Variants in ZC3HC1 observed in about 807,000 individuals in gnomAD.
ZC3HC1 encodes zinc finger C3HC-type containing 1, also known as zinc finger C3HC-type protein 1.
Under a neutral mutation model 61.9 loss-of-function variants are expected in ZC3HC1, and 38 were observed. The ratio of observed to expected loss-of-function variants is 0.61; its 90% confidence interval spans 0.47 to 0.81. The LOEUF (loss-of-function observed/expected upper bound fraction) is 0.81. Ranked by LOEUF, ZC3HC1 falls within the 30% of genes least tolerant of loss-of-function variation. The pLI is 0.00. For missense variants in ZC3HC1, 554 were observed against 622.7 expected, an observed-to-expected ratio of 0.89 and a Z score of 1.17; for synonymous variants, 213 against 229.9, an observed-to-expected ratio of 0.93 and a Z score of 0.67.
rs1203170404 is a variant in ZC3HC1 at position 130,051,336 on chromosome 7, C to T, written c.31G>A (p.Ala11Thr). Residue 11 changes from alanine to threonine, a missense_variant, in exon 1 of 10, where the codon GCC becomes ACC. Physicochemically the swap from Ala to Thr is moderately conservative, Grantham distance 58 (BLOSUM62 0). Coordinates refer to ENST00000358303, the MANE Select transcript of ZC3HC1 (RefSeq NM_016478.5). ...CCCCAATTCTTTTCAACCCCTACGG[C>T]AAACGCTTGTCCCTCACAGGGCGCC... MAAPCEGQAFAVGVEKNWGAV... is the reference protein window; with the variant it reads MAAPCEGQAFTVGVEKNWGAV... 6.2e-7 allele frequency: 1 copy of T among 1,613,372 alleles called. No homozygotes were observed. Among genetic ancestry groups the T allele is most frequent in the Non-Finnish European group, 8.5e-7 (1 of 1,179,610 alleles).
chr7:130,026,335 A>C (rs768781441), intron 5 of ZC3HC1, 23 bp from the exon 6 acceptor site: 2 of 1,591,598 alleles, frequency 1.3e-6, no homozygotes, highest in Non-Finnish European at 8.6e-7. Flanking sequence ...CAAGTAAAAA[A>C]CTTCGTTTCA....
intron 4 of ZC3HC1, among the ~76,000 whole-genome samples, chr7:130,032,737 G>A (rs1794262438): frequency 7.6e-6 from 1 of 131,122 alleles, no homozygotes; most frequent in Non-Finnish European, 1.6e-5. Context: ...GAGGGAGGGA[G>A]GGACAGTAAG....
intron 4 of ZC3HC1, among the ~76,000 whole-genome samples, chr7:130,031,302 G>GCAA (rs1471645099): frequency 7.5e-6 from 1 of 133,110 alleles, no homozygotes; most frequent in Non-Finnish European, 1.6e-5. Context: ...TCCAGCCTGG[G>GCAA]CAACAGAGCA....
chr7:130,021,172 C>T (rs1056068954), intron 9 of ZC3HC1, among the ~76,000 whole-genome samples: 2 of 152,034 alleles, frequency 1.3e-5, no homozygotes, highest in African/African-American at 2.4e-5. Context: ...TCCCAAAGTG[C>T]TAGGATTACA....
intron 2 of ZC3HC1, among the ~76,000 whole-genome samples, chr7:130,047,252 C>A (rs960107850): frequency 9.2e-5 from 14 of 152,054 alleles, no homozygotes. Context: ...TAAGCCACCA[C>A]GCCCGGCCTA....
intron 2 of ZC3HC1, among the ~76,000 whole-genome samples, chr7:130,042,680 GTTTGT>G (rs1794726693): frequency 6.6e-6 from 1 of 151,986 alleles, no homozygotes. Flanking sequence ...CAGTTTTTTT[GTTTGT>G]TTTGTTTTGT....
rs929715837 is a variant in ZC3HC1, at chr7:130,026,990, A to G, written c.622-678T>C. The G allele has an allele frequency of 2.0e-5, 3 of 149,358 alleles. No homozygotes were observed. The East Asian group carries it at 5.8e-4, about 29-fold the overall frequency. 9.3% of individuals were successfully genotyped at this position (149,358 alleles called of 1,614,324 possible). A position where few individuals can be genotyped will look rare whatever the true frequency, so the allele number is the denominator to read the frequency against. ...GTATCAAAAAAAAAAAAAAAAAAAAATTAAAGAAAAAAAAATTTTAGAGAT... is the reference window on the plus strand; with the variant it reads ...GTATCAAAAAAAAAAAAAAAAAAAAGTTAAAGAAAAAAAAATTTTAGAGAT... On this transcript the variant is annotated intron_variant, in intron 5 of 9. Coordinates refer to ENST00000358303, the MANE Select transcript of ZC3HC1 (RefSeq NM_016478.5).
At chr7:130,039,807 T>A in intron 3 of ZC3HC1, among the ~76,000 whole-genome samples, 1 of 151,822 alleles carries the variant, frequency 6.6e-6, no homozygotes, top group South Asian at 2.1e-4. Flanking sequence ...CAGGCTTGAG[T>A]GTAGTGGTGC....
intron 3 of ZC3HC1, 130 bp from the exon 4 acceptor site, chr7:130,039,677 A>C: frequency 1.6e-6 from 1 of 617,328 alleles, no homozygotes. Flanking sequence ...TATCAAGTAC[A>C]TAATCTTAAT....
chr7:130,021,195 C>T (rs1372177702), intron 9 of ZC3HC1, among the ~76,000 whole-genome samples: 1 of 152,164 alleles, frequency 6.6e-6, no homozygotes, highest in African/African-American at 2.4e-5. Flanking sequence ...CGTGAGCCAC[C>T]ACACCCAGCC....
chr7:130,050,046 C>G (rs1454668026), intron 1 of ZC3HC1, among the ~76,000 whole-genome samples: 1 of 152,054 alleles, frequency 6.6e-6, no homozygotes, highest in East Asian at 1.9e-4. Context: ...GAAGGCATTT[C>G]AACAGTGCCT....
At chr7:130,045,788 G>A (rs1794839269) in intron 2 of ZC3HC1, among the ~76,000 whole-genome samples, 1 of 151,528 alleles carries the variant, frequency 6.6e-6, no homozygotes, top group African/African-American at 2.4e-5. Context: ...GTACTTGGGA[G>A]GCTGAGGCAG....
chr7:130,049,157 G>A lies in ZC3HC1; in HGVS notation c.147-13C>T. 6.3e-7 allele frequency: 1 copy of A among 1,578,612 alleles called. No individual in the cohort carries two copies. Among genetic ancestry groups the A allele is most frequent in the Non-Finnish European group, 8.6e-7 (1 of 1,163,116 alleles). ...AGACGTGTCCTTCCTAATATAAAGT[G>A]GCAAAACTGTTGGTAAACCTTTCAC... On this transcript the variant is annotated splice_polypyrimidine_tract_variant and intron_variant, in intron 1 of 9. Transcript: ENST00000358303.
intron 3 of ZC3HC1, among the ~76,000 whole-genome samples, chr7:130,040,526 C>T (rs1157371109): frequency 6.7e-6 from 1 of 148,824 alleles, no homozygotes. Context: ...AAAAGACTGG[C>T]CAGGCACTAT....
intron 5 of ZC3HC1, among the ~76,000 whole-genome samples, chr7:130,027,865 G>A (rs1196449385): frequency 6.6e-6 from 1 of 150,900 alleles, no homozygotes; most frequent in Non-Finnish European, 1.5e-5. Flanking sequence ...AAAGGAGTTT[G>A]TTACTTTCTT....
At position 130,049,083 on chromosome 7, in the gene ZC3HC1, A is replaced by G. The variant is rs755739831; in HGVS notation, c.208T>C (p.Leu70=). ...NGSPQAEQPS[L]ESTSKEAFFS... ...AAGGCTTCTTTGCTTGTAGATTCCA[A>G]TGAAGGTTGTTCCGCTTGGGGTGAT... The change falls in exon 2 of 10, where the codon TTG becomes CTG. Residue 70 remains leucine (L), a synonymous_variant. Transcript: ENST00000358303. 24 of 1,610,294 alleles carry G rather than the reference A, an allele frequency of 1.5e-5. No homozygotes were observed. In the South Asian group the frequency reaches 1.9e-4, roughly 13 times the overall value.
intron 4 of ZC3HC1, chr7:130,039,173 CA>C: frequency 3.0e-6 from 1 of 328,604 alleles, no homozygotes; most frequent in Non-Finnish European, 5.6e-6. Context: ...GGTGAAACCC[CA>C]TCTCTACTAA....
rs139892752 is a variant in ZC3HC1 at position 130,030,424 on chromosome 7, T to C, written c.494-1395A>G. 1.9e-3 allele frequency among the ~76,000 whole-genome samples: 291 copies of C among 152,170 alleles called. 2 individuals carry two copies. Among genetic ancestry groups the C allele is most frequent in the African/African-American group, 6.6e-3 (274 of 41,534 alleles). ...CATGTTGGCCAGGCTGATCTTTAAC[T>C]CTTGGCCTCAGGTGATCCACCCACC... On this transcript the variant is annotated intron_variant, in intron 4 of 9. Coordinates refer to ENST00000358303, the MANE Select transcript of ZC3HC1 (RefSeq NM_016478.5).
At chr7:130,025,870 C>CAAAGA (rs1793880917) in intron 6 of ZC3HC1, among the ~76,000 whole-genome samples, 1 of 58,580 alleles carries the variant, frequency 1.7e-5, no homozygotes, top group South Asian at 8.3e-4. Context: ...GACTCCGTCT[C>CAAAGA]AAAAAAAAAA....
Sources: gnomAD v4.1 joint callset for allele counts (sites outside exome capture counted in the v4.1 genomes callset) on GRCh38, gnomAD v4.1.1 for gene constraint, MANE v1.5 for transcripts, NCBI Gene and HGNC (gene_info 2026-07-23, HGNC 2026-07-21) for gene names.